The following NAV3 variants were observed in gnomAD, a reference collection of about 807,000 sequenced individuals.
NAV3 encodes neuron navigator 3.
NAV3 carries 87 observed loss-of-function variants against 244.7 expected under a neutral mutation model. The observed-to-expected ratio is 0.36, with a 90% CI of 0.30 to 0.42. The LOEUF is 0.42. NAV3 is among the 20% of genes least tolerant of loss of function. The pLI is 1.00. For synonymous variants in NAV3, 1,126 were observed against 1,042.2 expected (o/e 1.08, Z -1.55); for missense variants, 2,663 against 2,893.3 (o/e 0.92, Z 1.83).
At chr12:78,205,896 A>G (rs1960248943) in intron 39 of NAV3, among the ~76,000 whole-genome samples, 1 of 152,296 alleles carries the variant, frequency 6.6e-6, no homozygotes, top group African/African-American at 2.4e-5. Flanking sequence ...AAAATTCATT[A>G]TGTTGCTTAA....
chr12:77,658,715 A>C (rs1251430382), intron 2 of NAV3, among the ~76,000 whole-genome samples: 1 of 152,100 alleles, frequency 6.6e-6, no homozygotes, highest in Non-Finnish European at 1.5e-5. Flanking sequence ...ACTATACTAC[A>C]AGGCTACAGT....
chr12:77,713,218 A>G (rs1320921916), intron 2 of NAV3, among the ~76,000 whole-genome samples: 1 of 152,208 alleles, frequency 6.6e-6, no homozygotes. Flanking sequence ...ATCTTATTAT[A>G]GAGAGAGTTT....
rs537855612 is a variant in NAV3 at position 78,175,373 on chromosome 12, C to T, written c.5049C>T (p.Ser1683=). The T allele has an allele frequency of 9.9e-6, 16 of 1,611,580 alleles. No homozygotes were observed. In the South Asian group the frequency reaches 1.4e-4, roughly 14 times the overall value. Residue 1683 remains serine, a synonymous_variant, in exon 25 of 40, where the codon TCC becomes TCT. Transcript: ENST00000397909. The stretch of plus-strand genomic sequence containing the variant: ...GTATCAACAGTGCCACAAGCCATTC[C>T]AGTATTGGCAGTGGTAATGATGCCG... ...VSSINSATSH[S]SIGSGNDADS... is the part of the protein sequence containing the mutation.
At chr12:77,953,278 GACAC>G (rs1376914575) in intron 3 of NAV3, among the ~76,000 whole-genome samples, 1 of 152,090 alleles carries the variant, frequency 6.6e-6, no homozygotes, top group African/African-American at 2.4e-5. Context: ...GCTAGTCACA[GACAC>G]ACACAACTCT....
chr12:77,618,737 T>C (rs1871241533), intron 2 of NAV3, among the ~76,000 whole-genome samples: 1 of 152,180 alleles, frequency 6.6e-6, no homozygotes, highest in Non-Finnish European at 1.5e-5. Context: ...AATGTATTCA[T>C]TGATTTTTGT....
intron 2 of NAV3, among the ~76,000 whole-genome samples, chr12:77,789,585 G>A (rs566319998): frequency 2.2e-4 from 33 of 151,604 alleles, no homozygotes; most frequent in Admixed American, 2.0e-3. Flanking sequence ...GGAGGCGGGT[G>A]GATCACCTGA....
chr12:77,773,269 T>TA (rs1870188943), intron 2 of NAV3, among the ~76,000 whole-genome samples: 1 of 151,828 alleles, frequency 6.6e-6, no homozygotes, highest in African/African-American at 2.4e-5. Context: ...TTGTCACAGA[T>TA]AAAAAATGTA....
chr12:77,782,844 ATACTT>A (rs974927240), intron 2 of NAV3, among the ~76,000 whole-genome samples: 1 of 152,154 alleles, frequency 6.6e-6, no homozygotes, highest in Admixed American at 6.6e-5. Context: ...ATTTGAAAGA[ATACTT>A]TAATTTTTTT....
intron 3 of NAV3, among the ~76,000 whole-genome samples, chr12:77,953,198 T>C (rs1346065205): frequency 6.6e-6 from 1 of 152,104 alleles, no homozygotes; most frequent in Non-Finnish European, 1.5e-5. Flanking sequence ...TAAAGAAGAA[T>C]AGCAGGGTTT....
Position 77,670,580 on chromosome 12 carries a change from TA to T in NAV3, c.72+98316del. 2.0e-5 allele frequency among the ~76,000 whole-genome samples: 3 copies of T among 152,226 alleles called. 1 individual carries two copies. The highest frequency in any genetic ancestry group is 2.0e-4 in the Admixed American group (3 of 15,272). ...CAAATCTAACAGCATATCAAAAGGA[TA>T]ATCCACCATGATCAACTGGGTTTCA... On this transcript the variant is annotated intron_variant, in intron 2 of 8. Transcript: ENST00000550042.
chr12:77,832,406 C>T (rs1330894262), intron 1 of NAV3, among the ~76,000 whole-genome samples: 1 of 152,192 alleles, frequency 6.6e-6, no homozygotes, highest in Non-Finnish European at 1.5e-5. Context: ...ACTGAAGCTG[C>T]TGAACTTCAT....
rs767315653 is a variant in NAV3 at position 78,177,624 on chromosome 12, C to A, written c.5302C>A (p.Pro1768Thr). ...TCTAACTGTATGTACATACAGGTCA[C>A]CCCTTGTCTGGCCACCAAAGAAACG... ...MKPSQSASAS[P>T]LVWPPKKRQN... Residue 1768 changes from proline (P) to threonine (T), a missense_variant, in exon 28 of 40, where the codon CCC (proline) becomes ACC (threonine). Around this residue, in one of 6 missense-constraint regions of NAV3, gnomAD observed 193 missense variants for 200.7 expected, o/e 0.96. Coordinates refer to ENST00000397909, the MANE Select transcript of NAV3 (RefSeq NM_001024383.2). 9.4e-6 allele frequency: 15 copies of A among 1,597,154 alleles called. No homozygotes were observed. Among genetic ancestry groups the A allele is most frequent in the Non-Finnish European group, 1.3e-5 (15 of 1,179,118 alleles).
chr12:78,210,718 C>T lies in NAV3; in HGVS notation c.*201C>T. On this transcript the variant is annotated 3_prime_UTR_variant, in exon 40 of 40. Transcript: ENST00000397909. ...ATGGAAGCTTAACTTTAGTTTATTT[C>T]TAAGCATTTTTTATATCTGTGGAGT... is the stretch of plus-strand genomic sequence containing the variant. The T allele has an allele frequency of 1.7e-6, 1 of 603,624 alleles. No homozygotes were observed. Among genetic ancestry groups the T allele is most frequent in the Non-Finnish European group, 2.9e-6 (1 of 348,218 alleles). The allele number at this position is 603,624 out of a possible 1,614,324, so 37.4% of individuals were successfully genotyped here.
chr12:77,908,439 C>T lies in NAV3; in HGVS notation c.244-31880C>T, dbSNP rs145937195. On this transcript the variant is annotated intron_variant, in intron 1 of 39. Coordinates refer to ENST00000397909, the MANE Select transcript of NAV3 (RefSeq NM_001024383.2). ...ATGGTTTCCAAATGGGCATCACTTA[C>T]CAAAATGCACATAAATGTGCTTTCT... Among the ~76,000 whole-genome samples the T allele has an allele frequency of 1.2e-3, 189 of 152,000 alleles. 1 individual carries two copies. The highest frequency in any genetic ancestry group is 4.2e-3 in the African/African-American group (176 of 41,498).
chr12:77,788,575 T>C (rs959501394), intron 2 of NAV3, among the ~76,000 whole-genome samples: 4 of 152,108 alleles, frequency 2.6e-5, no homozygotes, highest in African/African-American at 9.7e-5. Flanking sequence ...TTAATGAGTT[T>C]TACACATGGA....
intron 9 of NAV3, among the ~76,000 whole-genome samples, chr12:78,048,751 C>T (rs984739327): frequency 2.6e-5 from 4 of 152,196 alleles, no homozygotes; most frequent in Non-Finnish European, 4.4e-5. Context: ...ACACTGTGCT[C>T]GGAGATCCGC....
chr12:77,976,969 C>G (rs1211644429), intron 5 of NAV3, among the ~76,000 whole-genome samples: 2 of 152,098 alleles, frequency 1.3e-5, no homozygotes, highest in Non-Finnish European at 2.9e-5. Flanking sequence ...GCCACCACAC[C>G]CGGCCTGTAC....
chr12:77,761,570 A>G (rs959298707), intron 2 of NAV3, among the ~76,000 whole-genome samples: 1 of 152,232 alleles, frequency 6.6e-6, no homozygotes. Context: ...GAACTTAAAC[A>G]AATTTACAAG....
chr12:77,950,038 G>A (rs911208199), intron 3 of NAV3, among the ~76,000 whole-genome samples: 6 of 152,056 alleles, frequency 3.9e-5, no homozygotes, highest in African/African-American at 1.2e-4. Context: ...TTGTCTGAAT[G>A]TACCACAGTT....
Sources: gnomAD v4.1 joint callset for allele counts (sites outside exome capture counted in the v4.1 genomes callset) on GRCh38, gnomAD v4.1.1 for gene constraint, gnomAD v4.1.1 regional missense constraint, MANE v1.5 for transcripts, NCBI Gene and HGNC (gene_info 2026-07-23, HGNC 2026-07-21) for gene names.